Variants in FREM2 observed in about 807,000 individuals in gnomAD.
FREM2 encodes the protein FRAS1-related extracellular matrix protein 2.
A neutral mutation model predicts 219.9 loss-of-function variants in FREM2; 119 were observed. The observed-to-expected ratio is 0.54, with a 90% CI of 0.47 to 0.63. The LOEUF is 0.63. Ranked by LOEUF, FREM2 falls within the 30% of genes least tolerant of loss-of-function variation. The probability of loss-of-function intolerance (pLI) is 0.00; values close to 1 mark genes in which losing one functional copy is unlikely to be tolerated. For missense variants in FREM2, 4,030 were observed against 3,993.6 expected, an observed-to-expected ratio of 1.01 and a Z score of -0.25; for synonymous variants, 1,562 against 1,522.8, an observed-to-expected ratio of 1.03 and a Z score of -0.60.
intron 6 of FREM2, among the ~76,000 whole-genome samples, chr13:38,817,279 C>G (rs1241044444): frequency 6.6e-6 from 1 of 152,026 alleles, no homozygotes; most frequent in Non-Finnish European, 1.5e-5. Context: ...AAGAACAAAG[C>G]TGGAAGCTTC....
intron 18 of FREM2, among the ~76,000 whole-genome samples, chr13:38,875,157 G>GT (rs1320444890): frequency 2.2e-4 from 16 of 72,260 alleles, no homozygotes; most frequent in Admixed American, 8.3e-4. Context: ...TTTGTTTTTT[G>GT]TTTTTTTTTA....
At chr13:38,832,584 T>C (rs1331393339) in intron 6 of FREM2, among the ~76,000 whole-genome samples, 1 of 152,122 alleles carries the variant, frequency 6.6e-6, no homozygotes, top group Non-Finnish European at 1.5e-5. Flanking sequence ...TAATAAGATA[T>C]AATAATTTTA....
chr13:38,728,189 T>C (rs1871608794), intron 2 of FREM2, among the ~76,000 whole-genome samples: 1 of 150,008 alleles, frequency 6.7e-6, no homozygotes, highest in South Asian at 2.1e-4. Context: ...TTTTGTATTC[T>C]TTTTTTTTTC....
At chr13:38,748,731 AT>A (rs904695478) in intron 2 of FREM2, among the ~76,000 whole-genome samples, 227 of 152,166 alleles carry the variant, frequency 1.5e-3, no homozygotes, top group African/African-American at 2.5e-3. Flanking sequence ...ACATAGAGTG[AT>A]TTTTTTTAAA....
intron 15 of FREM2, among the ~76,000 whole-genome samples, chr13:38,862,562 T>C (rs1877801536): frequency 6.6e-6 from 1 of 152,224 alleles, no homozygotes; most frequent in Non-Finnish European, 1.5e-5. Flanking sequence ...TAGCCACAGT[T>C]CTGCCAGAAG....
At chr13:38,836,413 G>A (rs777831910) in intron 6 of FREM2, among the ~76,000 whole-genome samples, 1 of 152,042 alleles carries the variant, frequency 6.6e-6, no homozygotes, top group African/African-American at 2.4e-5. Flanking sequence ...TTCTTTTTTT[G>A]TTGTGTCTCT....
chr13:38,769,526 A>C (rs1873567633), intron 3 of FREM2, 52 bp from the exon 4 acceptor site: 1 of 1,474,012 alleles, frequency 6.8e-7, no homozygotes, highest in Non-Finnish European at 9.4e-7. Context: ...GGAAAATCTT[A>C]ATAATCCAAG....
intron 2 of FREM2, among the ~76,000 whole-genome samples, chr13:38,705,781 G>A (rs1870514901): frequency 6.6e-6 from 1 of 152,150 alleles, no homozygotes; most frequent in Non-Finnish European, 1.5e-5. Flanking sequence ...CCAGAGCTAT[G>A]CTGTTCTTTA....
Position 38,692,224 on chromosome 13 carries a change from A to G in FREM2, c.4880A>G (p.Asp1627Gly), listed in dbSNP as rs1219959128. The G allele has an allele frequency of 6.2e-7, 1 of 1,614,110 alleles. No individual in the cohort carries two copies. The highest frequency in any genetic ancestry group is 1.7e-5 in the Admixed American group (1 of 60,026). Residue 1627 changes from aspartate to glycine, a missense_variant, in exon 1 of 24, where the codon GAC (aspartate) becomes GGC (glycine). By Grantham distance (94) the Asp-to-Gly change is moderately conservative (BLOSUM62 -1). This residue lies in a region of FREM2 where 3,102 missense variants were observed against 2,950.7 expected (regional missense o/e 1.05). Transcript: ENST00000280481. ...SFTVTDGTHTDFYVFPDTVFE... is the reference protein window; with the variant it reads ...SFTVTDGTHTGFYVFPDTVFE... ...ACAGTGACTGATGGCACCCATACAGACTTCTATGTTTTTCCTGATACGGTG... is the reference window on the plus strand; with the variant it reads ...ACAGTGACTGATGGCACCCATACAGGCTTCTATGTTTTTCCTGATACGGTG...
intron 2 of FREM2, among the ~76,000 whole-genome samples, chr13:38,712,145 C>T (rs544538936): frequency 1.3e-5 from 2 of 151,952 alleles, no homozygotes; most frequent in East Asian, 1.9e-4. Context: ...CCACCTGCCT[C>T]GGCCCCCCAA....
At chr13:38,755,810 G>A (rs993474123) in intron 2 of FREM2, among the ~76,000 whole-genome samples, 1 of 152,198 alleles carries the variant, frequency 6.6e-6, no homozygotes, top group Admixed American at 6.5e-5. Flanking sequence ...TGTCTAGTAG[G>A]ATTAGGGGTG....
chr13:38,885,212 A>C lies in FREM2; in HGVS notation c.*4425A>C, dbSNP rs1878686748. ...GGAAGAGTACATCAGAAACTTCTCC[A>C]TAAGGAAAGAAAACTGACTCTCTCT... On this transcript the variant is annotated 3_prime_UTR_variant, in exon 24 of 24. Coordinates refer to ENST00000280481, the MANE Select transcript of FREM2 (RefSeq NM_207361.6). 1 of 152,198 alleles carries C rather than the reference A, an allele frequency of 6.6e-6. No homozygotes were observed. Among genetic ancestry groups the C allele is most frequent in the Non-Finnish European group, 1.5e-5 (1 of 68,012 alleles). The allele number at this position is 152,198 out of a possible 1,614,324, so 9.4% of individuals were successfully genotyped here.
chr13:38,811,172 A>G (rs952600658), intron 6 of FREM2, among the ~76,000 whole-genome samples: 1 of 151,798 alleles, frequency 6.6e-6, no homozygotes, highest in Non-Finnish European at 1.5e-5. Context: ...CTCCTTTTTC[A>G]TCACTGATTT....
intron 2 of FREM2, among the ~76,000 whole-genome samples, chr13:38,705,020 G>C (rs1021146916): frequency 1.3e-5 from 2 of 152,120 alleles, no homozygotes; most frequent in Non-Finnish European, 2.9e-5. Context: ...AATGAGATTT[G>C]GGTGGGGACA....
chr13:38,792,622 T>C (rs1018236096), intron 6 of FREM2, among the ~76,000 whole-genome samples: 1 of 152,232 alleles, frequency 6.6e-6, no homozygotes, highest in Non-Finnish European at 1.5e-5. Context: ...TATGTATTTA[T>C]TAGTATTTAC....
chr13:38,689,548 A>G lies in FREM2; in HGVS notation c.2204A>G (p.Asp735Gly). The G allele has an allele frequency of 6.2e-7, 1 of 1,613,730 alleles. No homozygotes were observed. Among genetic ancestry groups the G allele is most frequent in the South Asian group, 1.1e-5 (1 of 91,030 alleles). Residue 735 changes from aspartate to glycine, a missense_variant, in exon 1 of 24, where the codon GAC becomes GGC. Coordinates refer to ENST00000280481, the MANE Select transcript of FREM2 (RefSeq NM_207361.6). Reference sequence around the variant, plus strand: ...CGCTACACTGACCTGGACACAGATGACCGAGAACTACGTTACACAGTGACT... The same window carrying G: ...CGCTACACTGACCTGGACACAGATGGCCGAGAACTACGTTACACAGTGACT... ...WLRYTDLDTD[D>G]RELRYTVTQP...
chr13:38,876,968 A>G, intron 20 of FREM2, 149 bp from the exon 21 acceptor site: 2 of 964,056 alleles, frequency 2.1e-6, no homozygotes, highest in African/African-American at 1.6e-5. Flanking sequence ...CAATGTTACA[A>G]CTCTCTGAGT....
intron 3 of FREM2, among the ~76,000 whole-genome samples, chr13:38,765,958 T>C (rs2137810980): frequency 6.6e-6 from 1 of 152,342 alleles, no homozygotes; most frequent in East Asian, 1.9e-4. Flanking sequence ...CATGTGCACA[T>C]CCTGTCTTAT....
chr13:38,706,624 T>C (rs1475856934), intron 2 of FREM2, among the ~76,000 whole-genome samples: 8 of 152,226 alleles, frequency 5.3e-5, no homozygotes. Context: ...AAAAGAATGC[T>C]TCTTGATTTT....
Sources: allele counts gnomAD v4.1 joint callset (sites outside exome capture counted in the v4.1 genomes callset), GRCh38; gene constraint gnomAD v4.1.1; regional missense constraint gnomAD v4.1.1; transcripts MANE v1.5; gene names NCBI Gene and HGNC (gene_info 2026-07-23, HGNC 2026-07-21).